TRPM2: variants seen among roughly 807,000 people sequenced by gnomAD.
The protein encoded by TRPM2 is transient receptor potential cation channel subfamily M member 2.
TRPM2 carries 161 observed loss-of-function variants against 174.0 expected under a neutral mutation model. The ratio of observed to expected loss-of-function variants is 0.93; its 90% confidence interval spans 0.81 to 1.05. The LOEUF (loss-of-function observed/expected upper bound fraction) is 1.05. Among genes scored for constraint, TRPM2 ranks in the 50% least tolerant of loss-of-function variants. The pLI is 0.00. For synonymous variants in TRPM2, 954 were observed against 861.3 expected (o/e 1.11, Z -1.88); for missense variants, 2,057 against 2,038.0 (o/e 1.01, Z -0.18).
intron 28 of TRPM2, 125 bp downstream of exon 28, chr21:44,435,342 C>A: frequency 1.0e-6 from 1 of 992,034 alleles, no homozygotes. Flanking sequence ...GCACTTGGTG[C>A]CTACTGGGGG....
intron 6 of TRPM2, among the ~76,000 whole-genome samples, chr21:44,377,283 G>A (rs1051536423): frequency 6.6e-6 from 1 of 152,188 alleles, no homozygotes; most frequent in African/African-American, 2.4e-5. Flanking sequence ...TGGACGTGCC[G>A]CATGCTGCTC....
intron 2 of TRPM2, among the ~76,000 whole-genome samples, chr21:44,357,921 G>A: frequency 6.6e-6 from 1 of 152,212 alleles, no homozygotes; most frequent in Admixed American, 6.5e-5. Context: ...AGAGGGACCA[G>A]GTGTGTTCCT....
Position 44,362,470 on chromosome 21 carries a change from G to A in TRPM2, c.255-1644G>A, listed in dbSNP as rs565198073. Reference sequence around the variant, plus strand: ...GAGCTTGCAGTGAGCAAAGATCGGCGCCACTGCACTCTAGCCTGGGTGACA... The same window carrying A: ...GAGCTTGCAGTGAGCAAAGATCGGCACCACTGCACTCTAGCCTGGGTGACA... On this transcript the variant is annotated intron_variant, in intron 2 of 31. Transcript: ENST00000397928. 3.2e-3 allele frequency among the ~76,000 whole-genome samples: 483 copies of A among 150,882 alleles called. 2 individuals carry two copies. The highest frequency in any genetic ancestry group is 0.011 in the African/African-American group (460 of 41,062).
chr21:44,403,579 T>C (rs181355361), intron 16 of TRPM2, among the ~76,000 whole-genome samples: 46 of 147,510 alleles, frequency 3.1e-4, no homozygotes, highest in African/African-American at 1.1e-3. Flanking sequence ...TGTACACACA[T>C]ACATGCACAC....
At chr21:44,434,938 C>T (rs957120716) in intron 27 of TRPM2, among the ~76,000 whole-genome samples, 193 bp from the exon 28 acceptor site, 5 of 152,080 alleles carry the variant, frequency 3.3e-5, no homozygotes, top group African/African-American at 4.8e-5. Flanking sequence ...TAACCCAGAG[C>T]CTTGGTCTCA....
intron 18 of TRPM2, among the ~76,000 whole-genome samples, chr21:44,406,366 T>C (rs1569076894): frequency 6.6e-6 from 1 of 152,048 alleles, no homozygotes; most frequent in Non-Finnish European, 1.5e-5. Flanking sequence ...CTTTCCTCCT[T>C]GGGTCACGGT....
In TRPM2 at chr21:44,382,694, T is replaced by C. The variant is rs201699224; in HGVS notation, c.1216-24T>C. Reference sequence around the variant, plus strand: ...AGGGGTTCAGGAGTCACTGTGTGTCTCACTTAGAAAATGCTTGTTGCAGAT... The same window carrying C: ...AGGGGTTCAGGAGTCACTGTGTGTCCCACTTAGAAAATGCTTGTTGCAGAT... On this transcript the variant is annotated intron_variant, in intron 8 of 31. Coordinates refer to ENST00000397928, the MANE Select transcript of TRPM2 (RefSeq NM_003307.4). 1.5e-4 allele frequency: 235 copies of C among 1,611,006 alleles called. 1 individual carries two copies. The African/African-American group carries it at 3.0e-3, about 20-fold the overall frequency.
chr21:44,419,060 C>T (rs939476866), intron 22 of TRPM2, among the ~76,000 whole-genome samples: 2 of 152,228 alleles, frequency 1.3e-5, no homozygotes, highest in African/African-American at 2.4e-5. Context: ...GGAACATCTG[C>T]TCCCTTCTCT....
Position 44,390,011 on chromosome 21 carries a change from T to G in TRPM2, c.1319-893T>G, listed in dbSNP as rs2049124996. Among the ~76,000 whole-genome samples the G allele has an allele frequency of 2.0e-5, 3 of 152,056 alleles. No individual in the cohort carries two copies. In the South Asian group the frequency reaches 6.2e-4, roughly 31 times the overall value. ...CTTCAGCCTCCCAAGTAGCTGGGAC[T>G]ACAGGTGTCCACCACCACGCCTGGC... On this transcript the variant is annotated intron_variant, in intron 9 of 31. Coordinates refer to ENST00000397928, the MANE Select transcript of TRPM2 (RefSeq NM_003307.4).
At chr21:44,431,534 A>G (rs1047449970) in intron 27 of TRPM2, among the ~76,000 whole-genome samples, 5 of 152,074 alleles carry the variant, frequency 3.3e-5, no homozygotes, top group Non-Finnish European at 5.9e-5. Context: ...CAGTGGTGCG[A>G]TCTTGGCTCA....
chr21:44,379,769 T>G (rs889850270), intron 8 of TRPM2, among the ~76,000 whole-genome samples: 1 of 151,938 alleles, frequency 6.6e-6, no homozygotes, highest in Admixed American at 6.5e-5. Context: ...ACCAGGGGGG[T>G]GGGCTCCAGT....
At chr21:44,395,212 C>G (rs1472354589) in intron 11 of TRPM2, among the ~76,000 whole-genome samples, 6 of 152,170 alleles carry the variant, frequency 3.9e-5, no homozygotes, top group African/African-American at 1.4e-4. Context: ...TTCTAGATGT[C>G]TCCAGAACAG....
At chr21:44,396,734 A>T (rs1288861147) in intron 12 of TRPM2, among the ~76,000 whole-genome samples, 23 of 554 alleles carry the variant, frequency 0.042, 6 homozygotes, top group South Asian at 0.38. Flanking sequence ...GTGTGGAGGG[A>T]TGTGGAGGGA....
At chr21:44,386,489 TAC>T (rs2049019777) in intron 9 of TRPM2, among the ~76,000 whole-genome samples, 1 of 152,112 alleles carries the variant, frequency 6.6e-6, no homozygotes. Flanking sequence ...CAATTCTATT[TAC>T]AGTAGCATCA....
At chr21:44,371,301 G>A (rs534683418) in intron 5 of TRPM2, among the ~76,000 whole-genome samples, 3 of 136,692 alleles carry the variant, frequency 2.2e-5, no homozygotes, top group East Asian at 2.2e-4. Flanking sequence ...TCCGTGTCCC[G>A]TGGCCGCCTC....
chr21:44,406,171 T>G, intron 18 of TRPM2, 134 bp downstream of exon 18: 2 of 1,190,772 alleles, frequency 1.7e-6, no homozygotes, highest in Non-Finnish European at 2.3e-6. Context: ...CTTTGCCCCT[T>G]GGGCTCCCAA....
At position 44,399,448 on chromosome 21, in the gene TRPM2, T is replaced by C; in HGVS notation, c.2208+7T>C. On this transcript the variant is annotated splice_region_variant and intron_variant, in intron 14 of 31. Coordinates refer to ENST00000397928, the MANE Select transcript of TRPM2 (RefSeq NM_003307.4). This position sits in a 1 kb window ranked among gnomAD's most constrained non-coding sequence, Gnocchi z 4.6. ...GTCTCACGGGGGCATCCAGGTGACC[T>C]CCCAAGAGCCCCTTCCAGAAACAGA... 2 of 1,608,690 alleles carry C rather than the reference T, an allele frequency of 1.2e-6. No individual in the cohort carries two copies. The highest frequency in any genetic ancestry group is 1.7e-6 in the Non-Finnish European group (2 of 1,177,600).
In TRPM2 at chr21:44,425,663, T is replaced by C. The variant is rs2050738526; in HGVS notation, c.3638-7T>C. 6 of 1,503,518 alleles carry C rather than the reference T, an allele frequency of 4.0e-6. No homozygotes were observed. The highest frequency in any genetic ancestry group is 5.4e-6 in the Non-Finnish European group (6 of 1,115,606). The allele number at this position is 1,503,518 out of a possible 1,614,324, so 93.1% of individuals were successfully genotyped here. A position where few individuals can be genotyped will look rare whatever the true frequency, so the allele number is the denominator to read the frequency against. On this transcript the variant is annotated splice_polypyrimidine_tract_variant and splice_region_variant and intron_variant, in intron 24 of 31. Transcript: ENST00000397928. ...GCCTTGCGTCACGTCTTCCTGACTG[T>C]CCCCAGCCTCCCAGAAGGCCGCGGA...
chr21:44,392,872 TG>T (rs1289340344), intron 11 of TRPM2, among the ~76,000 whole-genome samples: 1 of 152,178 alleles, frequency 6.6e-6, no homozygotes, highest in Non-Finnish European at 1.5e-5. Flanking sequence ...ACCGTATTTT[TG>T]TGAGATGCCC....
Sources: allele counts gnomAD v4.1 joint callset (sites outside exome capture counted in the v4.1 genomes callset), GRCh38; gene constraint gnomAD v4.1.1; non-coding constraint Gnocchi (gnomAD v3.1); transcripts MANE v1.5; gene names NCBI Gene and HGNC (gene_info 2026-07-23, HGNC 2026-07-21).